Variants in CGN observed in about 807,000 individuals in gnomAD.
The protein encoded by CGN is cingulin.
CGN carries 121 observed loss-of-function variants against 157.1 expected under a neutral mutation model. That is an observed-to-expected ratio of 0.77 (90% CI 0.66 to 0.90). The LOEUF (loss-of-function observed/expected upper bound fraction) is 0.90. Ranked by LOEUF, CGN falls within the 40% of genes least tolerant of loss-of-function variation. The probability of loss-of-function intolerance (pLI) is 0.00; values close to 1 mark genes in which losing one functional copy is unlikely to be tolerated. For missense variants in CGN, 1,424 were observed against 1,520.9 expected (o/e 0.94, Z 1.06); for synonymous variants, 535 against 607.5 (o/e 0.88, Z 1.76).
At chr1:151,523,376 GTCTT>G in intron 5 of CGN, 54 bp from the exon 6 acceptor site, 3 of 1,521,702 alleles carry the variant, frequency 2.0e-6, no homozygotes, top group Non-Finnish European at 2.7e-6. Context: ...ATTATTCTGA[GTCTT>G]TCTGAGAGGC....
In CGN at chr1:151,538,013, T is replaced by A. The variant is rs987442508; in HGVS notation, c.*667T>A. 1 of 152,686 alleles carries A rather than the reference T, an allele frequency of 6.5e-6. No homozygotes were observed. The highest frequency in any genetic ancestry group is 1.5e-5 in the Non-Finnish European group (1 of 68,090). The allele number at this position is 152,686 out of a possible 1,614,324, so 9.5% of individuals were successfully genotyped here. A position where few individuals can be genotyped will look rare whatever the true frequency, so the allele number is the denominator to read the frequency against. ...TTTTATATCTGCACATTCATACCTC[T>A]CCAAAGACCAGCTTTTCCCCAGCCA... On this transcript the variant is annotated 3_prime_UTR_variant, in exon 21 of 21. Transcript: ENST00000271636.
rs1245122684 is a variant in CGN at position 151,535,907 on chromosome 1, A to G, written c.3197+9A>G. The G allele has an allele frequency of 6.3e-7, 1 of 1,597,100 alleles. No homozygotes were observed. The highest frequency in any genetic ancestry group is 8.6e-7 in the Non-Finnish European group (1 of 1,165,910). On this transcript the variant is annotated intron_variant, in intron 18 of 20. Transcript: ENST00000271636. ...CTACAGGCTGAAGAGAGGTGACATA[A>G]GCCTATCCTTCCTCCCTTCCTCCCT...
chr1:151,532,322 T>G (rs1664853758), intron 13 of CGN, 80 bp from the exon 14 acceptor site: 1 of 1,137,292 alleles, frequency 8.8e-7, no homozygotes, highest in East Asian at 2.8e-5. Context: ...AAGGAGACCC[T>G]TAGGGGAGAG....
intron 10 of CGN, among the ~76,000 whole-genome samples, chr1:151,528,896 A>G (rs773382795): frequency 6.6e-6 from 1 of 152,154 alleles, no homozygotes; most frequent in Non-Finnish European, 1.5e-5. Flanking sequence ...ATTGAATCCT[A>G]TAATATATGG....
intron 14 of CGN, 61 bp downstream of exon 14, chr1:151,532,633 T>G (rs1377514972): frequency 9.1e-6 from 10 of 1,095,924 alleles, no homozygotes; most frequent in East Asian, 3.7e-5. Flanking sequence ...TTTTTTTTTT[T>G]GTCCGAGACA....
rs1339115656 is a variant in CGN at position 151,530,669 on chromosome 1, G to A, written c.2494G>A (p.Val832Met). ...ALEEEGKQRE[V>M]LRRGKAELEE... Reference sequence around the variant, plus strand: ...GGAGGAGGAAGGGAAGCAGCGGGAGGTGCTCCGGCGAGGCAAGGCTGAGCT... The same window carrying A: ...GGAGGAGGAAGGGAAGCAGCGGGAGATGCTCCGGCGAGGCAAGGCTGAGCT... Residue 832 changes from valine (V) to methionine (M), a missense_variant, in exon 13 of 21, where the codon GTG (valine) becomes ATG (methionine). By Grantham distance (21) the Val-to-Met change is conservative. Coordinates refer to ENST00000271636, the MANE Select transcript of CGN (RefSeq NM_020770.3). 2 of 1,569,926 alleles carry A rather than the reference G, an allele frequency of 1.3e-6. No homozygotes were observed. Among genetic ancestry groups the A allele is most frequent in the Non-Finnish European group, 1.7e-6 (2 of 1,156,840 alleles).
Position 151,523,142 on chromosome 1 carries a change from C to T in CGN, c.1141-292C>T, listed in dbSNP as rs117595249. On this transcript the variant is annotated intron_variant, in intron 5 of 20. Coordinates refer to ENST00000271636, the MANE Select transcript of CGN (RefSeq NM_020770.3). ...CATCAGAATTTACTCATCACGTCCT[C>T]CTTTTTCTGTTTGTTAGAAGGAAGC... 1.8e-4 allele frequency among the ~76,000 whole-genome samples: 27 copies of T among 152,284 alleles called. No individual in the cohort carries two copies. In the East Asian group the frequency reaches 5.2e-3, roughly 29 times the overall value.
chr1:151,517,711 C>T (rs947152169), intron 1 of CGN, among the ~76,000 whole-genome samples: 12 of 152,008 alleles, frequency 7.9e-5, no homozygotes, highest in African/African-American at 2.7e-4. Context: ...AAGGTTTCAC[C>T]GTGTTGGTCA....
chr1:151,526,571 T>C (rs1435190884), intron 9 of CGN, among the ~76,000 whole-genome samples: 2 of 152,072 alleles, frequency 1.3e-5, no homozygotes, highest in Non-Finnish European at 2.9e-5. Flanking sequence ...CCTCCTGGGC[T>C]CAAGCCATCC....
At position 151,536,311 on chromosome 1, in the gene CGN, A is replaced by T; in HGVS notation, c.3272A>T (p.Asp1091Val). 1 of 1,612,176 alleles carries T rather than the reference A, an allele frequency of 6.2e-7. No individual in the cohort carries two copies. The highest frequency in any genetic ancestry group is 1.3e-5 in the African/African-American group (1 of 74,992). Residue 1091 changes from aspartate to valine, a missense_variant, in exon 19 of 21, where the codon GAC (aspartate) becomes GTC (valine). Physicochemically the swap from Asp to Val is radical, Grantham distance 152 (BLOSUM62 -3). Around this residue, in one of 3 missense-constraint regions of CGN, gnomAD observed 199 missense variants for 272.2 expected, o/e 0.73. Coordinates refer to ENST00000271636, the MANE Select transcript of CGN (RefSeq NM_020770.3). ...KVKELSIQIE[D>V]ERQHVNDQKD... is the part of the protein sequence containing the mutation. ...AAAGAACTATCCATCCAGATTGAAG[A>T]CGAGCGGCAGCATGTCAATGACCAG...
chr1:151,524,221 A>T lies in CGN; in HGVS notation c.1269-5A>T. On this transcript the variant is annotated splice_region_variant and splice_polypyrimidine_tract_variant and intron_variant, in intron 6 of 20. Transcript: ENST00000271636. This position sits in a 1 kb window ranked among gnomAD's most constrained non-coding sequence, Gnocchi z 4.4. ...ATAGTGTGCAATAATGTTATCTATTATTAGGCTCCAGAACATGAAGCGCCT... is the reference window on the plus strand; with the variant it reads ...ATAGTGTGCAATAATGTTATCTATTTTTAGGCTCCAGAACATGAAGCGCCT... 2 of 1,611,984 alleles carry T rather than the reference A, an allele frequency of 1.2e-6. No homozygotes were observed. The highest frequency in any genetic ancestry group is 1.1e-5 in the South Asian group (1 of 90,614).
At chr1:151,521,279 G>A (rs899173519) in intron 5 of CGN, among the ~76,000 whole-genome samples, 1 of 152,172 alleles carries the variant, frequency 6.6e-6, no homozygotes, top group African/African-American at 2.4e-5. Context: ...ATATTGGTTT[G>A]TGTGTAGTTG....
chr1:151,528,471 G>A (rs990829807), intron 10 of CGN, among the ~76,000 whole-genome samples: 2 of 151,296 alleles, frequency 1.3e-5, no homozygotes, highest in South Asian at 4.2e-4. Context: ...AAGCTGGAGT[G>A]CAGTGGCACA....
At position 151,525,703 on chromosome 1, in the gene CGN, G is replaced by A. The variant is rs1244261138; in HGVS notation, c.1676G>A (p.Arg559Lys). ...KMSALVRGLQ[R>K]ELEETSEETG... ...TCAGCCCTTGTGCGAGGGCTGCAGAGGGAGCTGGAGGAGACTTCAGAGGAG... is the reference window on the plus strand; with the variant it reads ...TCAGCCCTTGTGCGAGGGCTGCAGAAGGAGCTGGAGGAGACTTCAGAGGAG... The change falls in exon 9 of 21, where the codon AGG becomes AAG. Residue 559 changes from arginine to lysine, a missense_variant. Arg to Lys is a conservative substitution (Grantham distance 26, BLOSUM62 2). Transcript: ENST00000271636. 3.1e-6 allele frequency: 5 copies of A among 1,612,408 alleles called. No individual in the cohort carries two copies. The highest frequency in any genetic ancestry group is 1.1e-5 in the South Asian group (1 of 91,000).
rs934452658 is a variant in CGN at position 151,524,828 on chromosome 1, G to T, written c.1556G>T (p.Arg519Leu). The stretch of plus-strand genomic sequence containing the variant: ...CGTGACCAGGAGGTGGAACATGTCC[G>T]GCAGCAGTACCAGCGAGACACAGAG... The part of the protein sequence containing the change: ...ASRDQEVEHV[R>L]QQYQRDTEQL... The change falls in exon 8 of 21, where the codon CGG becomes CTG. Residue 519 changes from arginine to leucine, a missense_variant. By Grantham distance (102) the Arg-to-Leu change is moderately radical (BLOSUM62 -2). Around this residue, in one of 3 missense-constraint regions of CGN, gnomAD observed 1,187 missense variants for 1,217.6 expected, o/e 0.97. Transcript: ENST00000271636. This position sits in a 1 kb window ranked among gnomAD's most constrained non-coding sequence, Gnocchi z 4.4. The T allele has an allele frequency of 1.1e-5, 18 of 1,612,412 alleles. No individual in the cohort carries two copies. Among genetic ancestry groups the T allele is most frequent in the Non-Finnish European group, 1.5e-5 (18 of 1,179,966 alleles).
chr1:151,523,573 T>G lies in CGN; in HGVS notation c.1268+12T>G, dbSNP rs763821818. On this transcript the variant is annotated intron_variant, in intron 6 of 20. Transcript: ENST00000271636. ...CAGAGCAACAAGGAGTGAGTGCAGC[T>G]GGTGGCGCACCTCGGGCTGCTTGGG... The G allele has an allele frequency of 1.3e-6, 2 of 1,597,314 alleles. No homozygotes were observed. The highest frequency in any genetic ancestry group is 1.7e-6 in the Non-Finnish European group (2 of 1,172,758).
rs767797071 is a variant in CGN, at chr1:151,524,232, G to A, written c.1275G>A (p.Gln425=). 6.2e-7 allele frequency: 1 copy of A among 1,613,568 alleles called. No homozygotes were observed. The highest frequency in any genetic ancestry group is 8.5e-7 in the Non-Finnish European group (1 of 1,179,718). The part of the protein sequence containing the change: ...GEAQQSNKEL[Q]NMKRLLDQGE... ...TAATGTTATCTATTATTAGGCTCCA[G>A]AACATGAAGCGCCTCTTGGACCAGG... Residue 425 remains glutamine, a synonymous_variant, in exon 7 of 21, where the codon CAG becomes CAA. Transcript: ENST00000271636. The surrounding 1 kb of genome is among the most constrained non-coding windows in gnomAD (Gnocchi z 4.4).
Position 151,536,773 on chromosome 1 carries a change from C to T in CGN, c.3350C>T (p.Ala1117Val), listed in dbSNP as rs1664977877. 6.2e-7 allele frequency: 1 copy of T among 1,613,966 alleles called. No homozygotes were observed. The highest frequency in any genetic ancestry group is 1.1e-5 in the South Asian group (1 of 91,086). ...VKALKRQVDE[A>V]EEEIERLDGL... ...GCTTTGAAGCGTCAGGTGGATGAAGCAGAAGAGGAAATTGAGCGACTGGAC... is the reference window on the plus strand; with the variant it reads ...GCTTTGAAGCGTCAGGTGGATGAAGTAGAAGAGGAAATTGAGCGACTGGAC... The change falls in exon 20 of 21, where the codon GCA (alanine) becomes GTA (valine). Residue 1117 changes from alanine to valine, a missense_variant. Physicochemically the swap from Ala to Val is moderately conservative, Grantham distance 64. This residue lies in a region of CGN where 199 missense variants were observed against 272.2 expected (regional missense o/e 0.73). Coordinates refer to ENST00000271636, the MANE Select transcript of CGN (RefSeq NM_020770.3).
intron 18 of CGN, 48 bp downstream of exon 18, chr1:151,535,946 C>A: frequency 1.4e-6 from 2 of 1,459,446 alleles, no homozygotes; most frequent in Non-Finnish European, 1.9e-6. Context: ...TTTCTTCCTC[C>A]CTCCCTCTTG....
Sources: allele counts gnomAD v4.1 joint callset (sites outside exome capture counted in the v4.1 genomes callset), GRCh38; gene constraint gnomAD v4.1.1; regional missense constraint gnomAD v4.1.1; non-coding constraint Gnocchi (gnomAD v3.1); transcripts MANE v1.5; gene names NCBI Gene and HGNC (gene_info 2026-07-23, HGNC 2026-07-21).